Variants in CARS1 observed in about 807,000 individuals in gnomAD.
The protein encoded by CARS1 is cysteinyl-tRNA synthetase 1.
CARS1 carries 48 observed loss-of-function variants against 106.2 expected under a neutral mutation model. The ratio of observed to expected loss-of-function variants is 0.45; its 90% CI spans 0.36 to 0.57. The LOEUF (loss-of-function observed/expected upper bound fraction) is 0.57. Among genes scored for constraint, CARS1 ranks in the 20% least tolerant of loss-of-function variants. CARS1 has a pLI of 0.00. For missense variants in CARS1, 968 were observed against 1,057.2 expected, an observed-to-expected ratio of 0.92 and a Z score of 1.17; for synonymous variants, 409 against 403.4, an observed-to-expected ratio of 1.01 and a Z score of -0.17.
At chr11:3,001,905 G>T in intron 22 of CARS1, 65 bp downstream of exon 22, 3 of 1,242,276 alleles carry the variant, frequency 2.4e-6, no homozygotes, top group Non-Finnish European at 2.4e-6. Flanking sequence ...GAAAATTCCT[G>T]TCCTCCCACT....
At chr11:3,002,320 G>T (rs1388852594) in intron 21 of CARS1, 7 of 769,272 alleles carry the variant, frequency 9.1e-6, no homozygotes, top group Non-Finnish European at 1.3e-5. Context: ...CTTGGAGCTT[G>T]TGACCACATG....
chr11:3,012,252 G>C lies in CARS1; in HGVS notation c.2011C>G (p.Leu671Val), dbSNP rs758491711. ...TCTCGGAATTCTGATAACACCTGAA[G>C]GTAGGGCATGACTGTGGCCTCGAGC... is the stretch of plus-strand genomic sequence containing the variant. The part of the protein sequence containing the change: ...LSLEATVMPY[L>V]QVLSEFREGV... The change falls in exon 18 of 23, where the codon CTT becomes GTT. Residue 671 changes from leucine to valine, a missense_variant. Physicochemically the swap from Leu to Val is conservative, Grantham distance 32. Transcript: ENST00000380525. The C allele has an allele frequency of 6.2e-7, 1 of 1,614,256 alleles. No homozygotes were observed. Among genetic ancestry groups the C allele is most frequent in the Non-Finnish European group, 8.5e-7 (1 of 1,180,038 alleles).
rs550198097 is a variant in CARS1 at position 3,034,964 on chromosome 11, G to A, written c.801+3086C>T. On this transcript the variant is annotated intron_variant, in intron 7 of 22. Transcript: ENST00000380525. The surrounding 1 kb of genome is among the most constrained non-coding windows in gnomAD (Gnocchi z 6.3). ...ACTTTTCCCAGAGTCCCAAGGTGGC[G>A]CAGAGCATCACATGGCCAGGGGGCT... is the stretch of plus-strand genomic sequence containing the variant. Among the ~76,000 whole-genome samples, 6 of 152,216 alleles carry A rather than the reference G, an allele frequency of 3.9e-5. No individual in the cohort carries two copies. The East Asian group carries it at 7.7e-4, about 20-fold the overall frequency.
At chr11:3,056,847 G>A (rs1200589391) in intron 1 of CARS1, among the ~76,000 whole-genome samples, 1 of 152,230 alleles carries the variant, frequency 6.6e-6, no homozygotes, top group Non-Finnish European at 1.5e-5. Flanking sequence ...CACCTCCCGG[G>A]GTGAGGATGC....
intron 10 of CARS1, among the ~76,000 whole-genome samples, chr11:3,026,228 G>A (rs1852061978): frequency 6.6e-6 from 1 of 152,150 alleles, no homozygotes; most frequent in South Asian, 2.1e-4. Flanking sequence ...AGAGAGGTTG[G>A]TTTCTAGGCA....
chr11:3,052,986 T>C lies in CARS1; in HGVS notation c.25+4357A>G, dbSNP rs1252892957. Among the ~76,000 whole-genome samples, 2 of 152,226 alleles carry C rather than the reference T, an allele frequency of 1.3e-5. No homozygotes were observed. The highest frequency in any genetic ancestry group is 1.9e-4 in the East Asian group (1 of 5,186). ...CCTTGCAGTTCAGTTCATCAACACA[T>C]TGAGGGACATGGGAATGTCCCAAAG... On this transcript the variant is annotated intron_variant, in intron 1 of 22. Coordinates refer to ENST00000380525, the MANE Select transcript of CARS1 (RefSeq NM_001014437.3). The surrounding 1 kb of genome is among the most constrained non-coding windows in gnomAD (Gnocchi z 4.6).
intron 3 of CARS1, 67 bp downstream of exon 3, chr11:3,042,098 A>G: frequency 8.4e-7 from 1 of 1,183,702 alleles, no homozygotes; most frequent in Non-Finnish European, 1.3e-6. Flanking sequence ...GCGACAAGGC[A>G]CATGGGCTGT....
Position 3,044,005 on chromosome 11 carries a change from T to C in CARS1, c.275-1749A>G, listed in dbSNP as rs1854814139. Among the ~76,000 whole-genome samples, 1 of 152,170 alleles carries C rather than the reference T, an allele frequency of 6.6e-6. No individual in the cohort carries two copies. The highest frequency in any genetic ancestry group is 2.4e-5 in the African/African-American group (1 of 41,440). On this transcript the variant is annotated intron_variant, in intron 2 of 22. Coordinates refer to ENST00000380525, the MANE Select transcript of CARS1 (RefSeq NM_001014437.3). This position sits in a 1 kb window ranked among gnomAD's most constrained non-coding sequence, Gnocchi z 4.4. ...GAGGCCAAGTGCAGCTCGGCCTCAG[T>C]GTACTTTAAATGCCTCACAAGCCCT...
At chr11:3,051,473 C>G (rs1223203110) in intron 1 of CARS1, among the ~76,000 whole-genome samples, 1 of 152,168 alleles carries the variant, frequency 6.6e-6, no homozygotes. Context: ...GAGGCGGAGG[C>G]AGACCCACAG....
rs576154390 is a variant in CARS1 at position 3,046,932 on chromosome 11, C to T, written c.274+821G>A. Among the ~76,000 whole-genome samples the T allele has an allele frequency of 3.9e-4, 60 of 152,248 alleles. No individual in the cohort carries two copies. Among genetic ancestry groups the T allele is most frequent in the African/African-American group, 1.4e-3 (58 of 41,550 alleles). On this transcript the variant is annotated intron_variant, in intron 2 of 22. Transcript: ENST00000380525. The surrounding 1 kb of genome is among the most constrained non-coding windows in gnomAD (Gnocchi z 5.8). ...AACCAGCACCAACAGGCTGGAGCTA[C>T]GGGACAGACATCATCTCAAAGAGAA...
chr11:3,013,839 G>A (rs1251219599), intron 17 of CARS1, among the ~76,000 whole-genome samples: 1 of 152,142 alleles, frequency 6.6e-6, no homozygotes, highest in East Asian at 1.9e-4. Flanking sequence ...GGAAAGAAGA[G>A]TTTTTGTTCG....
intron 20 of CARS1, 33 bp from the exon 21 acceptor site, chr11:3,002,633 G>C (rs938303093): frequency 1.9e-6 from 3 of 1,612,786 alleles, no homozygotes; most frequent in African/African-American, 2.7e-5. Context: ...GATGAGACAG[G>C]GCTGCCTCAG....
Position 3,017,370 on chromosome 11 carries a change from C to G in CARS1, c.1728-75G>C. 1 of 1,343,258 alleles carries G rather than the reference C, an allele frequency of 7.4e-7. No individual in the cohort carries two copies. Among genetic ancestry groups the G allele is most frequent in the South Asian group, 1.3e-5 (1 of 78,856 alleles). The allele number at this position is 1,343,258 out of a possible 1,614,324, so 83.2% of individuals were successfully genotyped here. A position where few individuals can be genotyped will look rare whatever the true frequency, so the allele number is the denominator to read the frequency against. On this transcript the variant is annotated intron_variant, in intron 15 of 22. Transcript: ENST00000380525. The surrounding 1 kb of genome is among the most constrained non-coding windows in gnomAD (Gnocchi z 4.9). Reference sequence around the variant, plus strand: ...TAGAAATTCCCCATGTGGCCAGGCGCAGTGGCTCACGCCTATAATCCCAGC... The same window carrying G: ...TAGAAATTCCCCATGTGGCCAGGCGGAGTGGCTCACGCCTATAATCCCAGC...
chr11:3,002,759 G>C (rs1849512837), intron 20 of CARS1, among the ~76,000 whole-genome samples, 159 bp from the exon 21 acceptor site: 1 of 152,136 alleles, frequency 6.6e-6, no homozygotes, highest in South Asian at 2.1e-4. Context: ...AAGCCCATGT[G>C]CCGGGCAGCA....
At position 3,042,243 on chromosome 11, in the gene CARS1, A is replaced by C. The variant is rs752811700; in HGVS notation, c.288T>G (p.Arg96=). Residue 96 remains arginine, a synonymous_variant, in exon 3 of 23, where the codon CGT becomes CGG. Coordinates refer to ENST00000380525, the MANE Select transcript of CARS1 (RefSeq NM_001014437.3). ...PCRLQASKGR[R]VQPQWSPPAG... is the part of the protein sequence containing the mutation. The stretch of plus-strand genomic sequence containing the variant: ...CAGGAGGGGACCACTGGGGCTGCAC[A>C]CGCCGGCCTTTGCCTGGGAGGCAGA... 1.0e-4 allele frequency: 167 copies of C among 1,612,334 alleles called. No homozygotes were observed. Among genetic ancestry groups the C allele is most frequent in the Middle Eastern group, 8.2e-4 (5 of 6,080 alleles).
chr11:3,013,372 G>A (rs560159931), intron 17 of CARS1, among the ~76,000 whole-genome samples: 164 of 151,904 alleles, frequency 1.1e-3, no homozygotes, highest in African/African-American at 3.8e-3. Flanking sequence ...GGCTGGTCTC[G>A]AACTCCCGAC....
chr11:3,031,240 C>T (rs1304058158), intron 7 of CARS1: 1 of 152,016 alleles, frequency 6.6e-6, no homozygotes, highest in Non-Finnish European at 1.5e-5. Context: ...TTATAATGCG[C>T]CTGATAGAAA....
At chr11:3,007,065 A>G in intron 18 of CARS1, 106 bp from the exon 19 acceptor site, 2 of 932,916 alleles carry the variant, frequency 2.1e-6, no homozygotes, top group Non-Finnish European at 3.5e-6. Context: ...CCACAGAACA[A>G]GTGCCTCCTC....
At position 3,050,114 on chromosome 11, in the gene CARS1, G is replaced by T. The variant is rs1184732895; in HGVS notation, c.26-2113C>A. ...CCCAGCCTCCGTGGCTGCCGGAGAAGATGTCCTGAAGCCACCTCTTCTCTG... is the reference window on the plus strand; with the variant it reads ...CCCAGCCTCCGTGGCTGCCGGAGAATATGTCCTGAAGCCACCTCTTCTCTG... On this transcript the variant is annotated intron_variant, in intron 1 of 22. Coordinates refer to ENST00000380525, the MANE Select transcript of CARS1 (RefSeq NM_001014437.3). The surrounding 1 kb of genome is among the most constrained non-coding windows in gnomAD (Gnocchi z 6.3). Among the ~76,000 whole-genome samples the T allele has an allele frequency of 5.3e-5, 8 of 152,352 alleles. No individual in the cohort carries two copies. The East Asian group carries it at 1.4e-3, about 26-fold the overall frequency.
Sources: allele counts gnomAD v4.1 joint callset (sites outside exome capture counted in the v4.1 genomes callset), GRCh38; gene constraint gnomAD v4.1.1; non-coding constraint Gnocchi (gnomAD v3.1); transcripts MANE v1.5; gene names NCBI Gene and HGNC (gene_info 2026-07-23, HGNC 2026-07-21).